The following CIB4 variants were observed in gnomAD, a reference collection of about 807,000 sequenced individuals.
CIB4 encodes the protein calcium and integrin binding family member 4.
A neutral mutation model predicts 25.8 loss-of-function variants in CIB4; 25 were observed. The ratio of observed to expected loss-of-function variants is 0.97; its 90% CI spans 0.71 to 1.35. CIB4 has a LOEUF of 1.35. Among genes scored for constraint, CIB4 ranks in the 40% most tolerant of loss-of-function variants. CIB4 has a pLI of 0.00. For missense variants in CIB4, 235 were observed against 228.2 expected (o/e 1.03, Z -0.19); for synonymous variants, 75 against 81.4 (o/e 0.92, Z 0.42).
intron 3 of CIB4, among the ~76,000 whole-genome samples, chr2:26,608,437 A>C (rs1668934630): frequency 6.6e-6 from 1 of 152,148 alleles, no homozygotes; most frequent in African/African-American, 2.4e-5. Context: ...CCTAGCATAG[A>C]CTTTCCGAGT....
intron 5 of CIB4, among the ~76,000 whole-genome samples, chr2:26,583,334 T>C (rs1668388148): frequency 6.6e-6 from 1 of 152,174 alleles, no homozygotes; most frequent in African/African-American, 2.4e-5. Context: ...ATCCATGCCC[T>C]GACTTGAGTT....
At chr2:26,585,207 C>T (rs918161297) in intron 4 of CIB4, among the ~76,000 whole-genome samples, 7 of 151,416 alleles carry the variant, frequency 4.6e-5, no homozygotes, top group Non-Finnish European at 8.8e-5. Flanking sequence ...GGTGCCAGGC[C>T]ACCAGCGGGC....
At chr2:26,610,007 T>C (rs1197186503) in intron 3 of CIB4, among the ~76,000 whole-genome samples, 1 of 152,216 alleles carries the variant, frequency 6.6e-6, no homozygotes, top group Non-Finnish European at 1.5e-5. Context: ...CATTCGCTCC[T>C]CTGCTTCTCG....
In CIB4 at chr2:26,620,300, C is replaced by A. The variant is rs531690089; in HGVS notation, c.186+9110G>T. Among the ~76,000 whole-genome samples, 3 of 152,348 alleles carry A rather than the reference C, an allele frequency of 2.0e-5. No individual in the cohort carries two copies. In the South Asian group the frequency reaches 6.2e-4, roughly 32 times the overall value. ...CTGCGACTGGAAGTCCCTGGTAGCGCTGGAAATAGAGGCTGGCTGAAAGGA... is the reference window on the plus strand; with the variant it reads ...CTGCGACTGGAAGTCCCTGGTAGCGATGGAAATAGAGGCTGGCTGAAAGGA... On this transcript the variant is annotated intron_variant, in intron 3 of 6. Coordinates refer to ENST00000288861, the MANE Select transcript of CIB4 (RefSeq NM_001029881.3).
chr2:26,595,200 T>C lies in CIB4; in HGVS notation c.304A>G (p.Ile102Val). The change falls in exon 4 of 7, where the codon ATT becomes GTT. Residue 102 changes from isoleucine to valine, a missense_variant. Ile to Val is a conservative substitution (Grantham distance 29, BLOSUM62 3). Coordinates refer to ENST00000288861, the MANE Select transcript of CIB4 (RefSeq NM_001029881.3). ...CCATAGATGCGAAAGGCATACTCAATCTTCAGGCTTGGGCAGGCCTGCTCG... is the reference window on the plus strand; with the variant it reads ...CCATAGATGCGAAAGGCATACTCAACCTTCAGGCTTGGGCAGGCCTGCTCG... ...FSEQACPSLK[I>V]EYAFRIYDFN... 5 of 1,612,574 alleles carry C rather than the reference T, an allele frequency of 3.1e-6. No homozygotes were observed. The highest frequency in any genetic ancestry group is 4.2e-6 in the Non-Finnish European group (5 of 1,178,746).
At chr2:26,629,562 G>A in intron 2 of CIB4, 56 bp from the exon 3 acceptor site, 1 of 1,258,608 alleles carries the variant, frequency 7.9e-7, no homozygotes, top group Non-Finnish European at 1.1e-6. Flanking sequence ...AGCACTGTGT[G>A]GCCGGGGAAA....
intron 2 of CIB4, among the ~76,000 whole-genome samples, chr2:26,636,433 G>C (rs1669534000): frequency 6.6e-6 from 1 of 152,092 alleles, no homozygotes; most frequent in Non-Finnish European, 1.5e-5. Flanking sequence ...ATGGTATCTA[G>C]ATAGATTCAT....
At chr2:26,586,244 C>A (rs979222015) in intron 4 of CIB4, among the ~76,000 whole-genome samples, 1 of 152,190 alleles carries the variant, frequency 6.6e-6, no homozygotes, top group Non-Finnish European at 1.5e-5. Flanking sequence ...GTCCTAATCC[C>A]CAAGTCAGCC....
chr2:26,610,339 T>G (rs1012433455), intron 3 of CIB4, among the ~76,000 whole-genome samples: 3 of 152,222 alleles, frequency 2.0e-5, no homozygotes, highest in Non-Finnish European at 4.4e-5. Flanking sequence ...GGACTCGCAC[T>G]GCAGCCTCCT....
chr2:26,600,419 A>C (rs1263325054), intron 3 of CIB4, among the ~76,000 whole-genome samples: 1 of 152,236 alleles, frequency 6.6e-6, no homozygotes, highest in African/African-American at 2.4e-5. Flanking sequence ...TAAATAAATA[A>C]ATAAACAAAT....
At chr2:26,636,421 A>T (rs1669533739) in intron 2 of CIB4, among the ~76,000 whole-genome samples, 5 of 152,100 alleles carry the variant, frequency 3.3e-5, no homozygotes, top group Admixed American at 3.3e-4. Flanking sequence ...GTACCTCTCA[A>T]TATGGTATCT....
intron 3 of CIB4, among the ~76,000 whole-genome samples, chr2:26,620,642 G>A (rs183752521): frequency 1.5e-4 from 23 of 152,284 alleles, no homozygotes; most frequent in Middle Eastern, 6.8e-3. Context: ...TGACCCCTCA[G>A]ATCGCCCTTC....
intron 3 of CIB4, among the ~76,000 whole-genome samples, chr2:26,624,840 G>GTGTA (rs1669269336): frequency 6.8e-6 from 1 of 146,760 alleles, no homozygotes; most frequent in African/African-American, 2.6e-5. Context: ...GTATTATGGT[G>GTGTA]TATATATATA....
intron 3 of CIB4, among the ~76,000 whole-genome samples, chr2:26,625,232 C>G (rs1479194100): frequency 3.3e-5 from 5 of 152,100 alleles, no homozygotes; most frequent in Non-Finnish European, 7.3e-5. Context: ...CGCATTCCCT[C>G]TGTGCATAGC....
intron 2 of CIB4, among the ~76,000 whole-genome samples, chr2:26,638,518 G>T (rs1411861353): frequency 6.6e-6 from 1 of 152,176 alleles, no homozygotes; most frequent in African/African-American, 2.4e-5. Context: ...CTGGCATATA[G>T]GAGGAACCCC....
chr2:26,594,170 T>A (rs886615489), intron 4 of CIB4, among the ~76,000 whole-genome samples: 6 of 152,246 alleles, frequency 3.9e-5, no homozygotes, highest in African/African-American at 1.4e-4. Flanking sequence ...TCCAATGCCA[T>A]CAGCTAGTTG....
chr2:26,619,511 G>A (rs1412450647), intron 3 of CIB4, among the ~76,000 whole-genome samples: 3 of 152,156 alleles, frequency 2.0e-5, no homozygotes, highest in Non-Finnish European at 4.4e-5. Flanking sequence ...TGGGTAAAGC[G>A]ACAGGGTGAA....
chr2:26,622,512 G>T (rs1669225690), intron 3 of CIB4, among the ~76,000 whole-genome samples: 1 of 152,086 alleles, frequency 6.6e-6, no homozygotes, highest in Non-Finnish European at 1.5e-5. Context: ...CTTCTTAGGG[G>T]AAGTCAAAGG....
chr2:26,595,928 C>A (rs1207406206), intron 3 of CIB4, among the ~76,000 whole-genome samples: 1 of 151,000 alleles, frequency 6.6e-6, no homozygotes, highest in Non-Finnish European at 1.5e-5. Flanking sequence ...CACACACACA[C>A]AAACCATGTC....
Sources: gnomAD v4.1 joint callset for allele counts (sites outside exome capture counted in the v4.1 genomes callset) on GRCh38, gnomAD v4.1.1 for gene constraint, MANE v1.5 for transcripts, NCBI Gene and HGNC (gene_info 2026-07-23, HGNC 2026-07-21) for gene names.